INSR: variants seen among roughly 807,000 people sequenced by gnomAD.
INSR encodes the protein insulin receptor.
In INSR, 67 loss-of-function variants were observed where a neutral mutation model predicts 142.6. That is an observed-to-expected ratio of 0.47 (90% CI 0.39 to 0.58). INSR has a LOEUF of 0.58. INSR is among the 20% of genes least tolerant of loss of function. INSR has a pLI of 0.00. For missense variants in INSR, 1,248 were observed against 1,833.2 expected (o/e 0.68, Z 5.83); for synonymous variants, 756 against 743.1 (o/e 1.02, Z -0.28).
intron 1 of INSR, among the ~76,000 whole-genome samples, chr19:7,283,595 G>A (rs568477922): frequency 3.9e-5 from 6 of 152,166 alleles, no homozygotes; most frequent in East Asian, 3.9e-4. Flanking sequence ...ATGAGCCACC[G>A]TGCTCGGCTA....
At chr19:7,263,508 TC>T (rs1977129013) in intron 2 of INSR, among the ~76,000 whole-genome samples, 1 of 152,138 alleles carries the variant, frequency 6.6e-6, no homozygotes. Flanking sequence ...TCGCACCTTC[TC>T]CGGGTAACAA....
intron 2 of INSR, among the ~76,000 whole-genome samples, chr19:7,243,234 G>GTTTTTTTTTTTTT (rs1161289283): frequency 2.9e-5 from 2 of 68,178 alleles, no homozygotes; most frequent in Non-Finnish European, 5.1e-5. Flanking sequence ...CACTGTTTTG[G>GTTTTTTTTTTTTT]TTTTTTTTTT....
intron 2 of INSR, among the ~76,000 whole-genome samples, chr19:7,197,978 A>T (rs986636864): frequency 1.1e-4 from 15 of 138,148 alleles, no homozygotes; most frequent in Non-Finnish European, 1.8e-4. Context: ...GTGTGTCCCC[A>T]TGGTGGGAGT....
rs1972341326 is a variant in INSR at position 7,116,859 on chromosome 19, C to T, written c.*197G>A. The T allele has an allele frequency of 3.5e-6, 2 of 578,884 alleles. No homozygotes were observed. The highest frequency in any genetic ancestry group is 6.2e-6 in the Non-Finnish European group (2 of 322,980). The allele number at this position is 578,884 out of a possible 1,614,324, so 35.9% of individuals were successfully genotyped here. A position where few individuals can be genotyped will look rare whatever the true frequency, so the allele number is the denominator to read the frequency against. ...GGAAACCCCTTGCCCTCCAGGTTCA[C>T]AGTTAAATCCTCTGCAGGACTAGTT... On this transcript the variant is annotated 3_prime_UTR_variant, in exon 22 of 22. Transcript: ENST00000302850.
intron 2 of INSR, among the ~76,000 whole-genome samples, chr19:7,186,797 C>T (rs532069268): frequency 1.8e-4 from 27 of 151,876 alleles, no homozygotes; most frequent in Middle Eastern, 3.5e-3. Flanking sequence ...CTCTGCCTCC[C>T]GGGTTCAAGT....
At chr19:7,217,645 C>T (rs1422355309) in intron 2 of INSR, among the ~76,000 whole-genome samples, 6 of 152,300 alleles carry the variant, frequency 3.9e-5, no homozygotes, top group Middle Eastern at 3.4e-3. Flanking sequence ...CCGCAAGCTC[C>T]GCCTCCCAGG....
intron 2 of INSR, among the ~76,000 whole-genome samples, chr19:7,262,592 G>A (rs183095601): frequency 6.5e-4 from 99 of 152,290 alleles, no homozygotes; most frequent in South Asian, 8.3e-4. Context: ...ATGTGAAAGC[G>A]ACCAAGTGCC....
At chr19:7,266,713 G>C (rs1419585194) in intron 2 of INSR, among the ~76,000 whole-genome samples, 1 of 152,008 alleles carries the variant, frequency 6.6e-6, no homozygotes, top group Admixed American at 6.6e-5. Context: ...CCAATAACAG[G>C]AATGGTTAAG....
At chr19:7,222,460 C>T (rs566923807) in intron 2 of INSR, among the ~76,000 whole-genome samples, 1 of 152,082 alleles carries the variant, frequency 6.6e-6, no homozygotes, top group South Asian at 2.1e-4. Context: ...GTGGTGTGAC[C>T]GTAGCTCACT....
intron 9 of INSR, among the ~76,000 whole-genome samples, chr19:7,156,052 C>CT (rs147889782): frequency 0.013 from 886 of 67,380 alleles, 139 homozygotes; most frequent in Non-Finnish European, 0.015. Context: ...ATATGGAATT[C>CT]TTTTTTTTTT....
chr19:7,198,327 G>C (rs575672302), intron 2 of INSR, among the ~76,000 whole-genome samples: 10 of 152,042 alleles, frequency 6.6e-5, no homozygotes, highest in African/African-American at 2.4e-4. Context: ...GCCGCCGGGC[G>C]GTCCCGGCCA....
Position 7,119,865 on chromosome 19 carries a change from C to A in INSR, c.3660-282G>T, listed in dbSNP as rs958959761. On this transcript the variant is annotated intron_variant, in intron 20 of 21. Transcript: ENST00000302850. The surrounding 1 kb of genome is among the most constrained non-coding windows in gnomAD (Gnocchi z 5.2). ...CCAAACACACACACGCACACACATG[C>A]AAACACACACAAACACACATATGCA... is the stretch of plus-strand genomic sequence containing the variant. Among the ~76,000 whole-genome samples the A allele has an allele frequency of 6.6e-6, 1 of 151,502 alleles. No homozygotes were observed. The highest frequency in any genetic ancestry group is 2.4e-5 in the African/African-American group (1 of 41,204).
intron 2 of INSR, among the ~76,000 whole-genome samples, chr19:7,205,062 C>A (rs1975071084): frequency 1.3e-5 from 2 of 152,186 alleles, no homozygotes; most frequent in Admixed American, 1.3e-4. Flanking sequence ...CCAGCTTGGG[C>A]AACAAAAGTG....
At position 7,125,072 on chromosome 19, in the gene INSR, G is replaced by A. The variant is rs1972613339; in HGVS notation, c.3258+211C>T. Among the ~76,000 whole-genome samples the A allele has an allele frequency of 6.6e-6, 1 of 152,152 alleles. No individual in the cohort carries two copies. The highest frequency in any genetic ancestry group is 6.5e-5 in the Admixed American group (1 of 15,270). ...AAACATTCCAGAAAGTGATGAGACAGTGATAGAGTCTGGTTCCAGGCGAAG... is the reference window on the plus strand; with the variant it reads ...AAACATTCCAGAAAGTGATGAGACAATGATAGAGTCTGGTTCCAGGCGAAG... On this transcript the variant is annotated intron_variant, in intron 17 of 21. Coordinates refer to ENST00000302850, the MANE Select transcript of INSR (RefSeq NM_000208.4). The surrounding 1 kb of genome is among the most constrained non-coding windows in gnomAD (Gnocchi z 4.9).
At position 7,114,546 on chromosome 19, in the gene INSR, C is replaced by G. The variant is rs1599860393; in HGVS notation, c.*2510G>C. 1 of 152,540 alleles carries G rather than the reference C, an allele frequency of 6.6e-6. No individual in the cohort carries two copies. The allele number at this position is 152,540 out of a possible 1,614,324, so 9.4% of individuals were successfully genotyped here. A position where few individuals can be genotyped will look rare whatever the true frequency, so the allele number is the denominator to read the frequency against. ...TCCCTCCCTCAAAATTCTTACTGGTCCCTGGCATTCGAATCAGCTGATACA... is the reference window on the plus strand; with the variant it reads ...TCCCTCCCTCAAAATTCTTACTGGTGCCTGGCATTCGAATCAGCTGATACA... On this transcript the variant is annotated 3_prime_UTR_variant, in exon 22 of 22. Coordinates refer to ENST00000302850, the MANE Select transcript of INSR (RefSeq NM_000208.4).
chr19:7,197,516 G>GTGTGTGTGTGTGTGT (rs1568480264), intron 2 of INSR, among the ~76,000 whole-genome samples: 726 of 70,916 alleles, frequency 0.01, 138 homozygotes, highest in Admixed American at 0.013. Context: ...TGGGAGTGGG[G>GTGTGTGTGTGTGTGT]GTGTGTGTGT....
At chr19:7,283,192 C>T (rs967764138) in intron 1 of INSR, among the ~76,000 whole-genome samples, 3 of 151,810 alleles carry the variant, frequency 2.0e-5, no homozygotes, top group African/African-American at 7.3e-5. Flanking sequence ...GACCCTTTCT[C>T]AAAAAAATGT....
chr19:7,151,062 TTC>T (rs67375676), intron 10 of INSR, among the ~76,000 whole-genome samples: 95,978 of 145,286 alleles, frequency 0.66, 35,123 homozygotes, highest in Non-Finnish European at 0.83. Flanking sequence ...TCTCTTTCTT[TTC>T]TTTCTTTTCC....
chr19:7,288,514 C>CTG (rs1968403319), intron 1 of INSR, among the ~76,000 whole-genome samples: 1 of 152,002 alleles, frequency 6.6e-6, no homozygotes, highest in Admixed American at 6.6e-5. Context: ...TGGCACCTGC[C>CTG]TGTGATTCCA....
Sources: allele counts gnomAD v4.1 joint callset (sites outside exome capture counted in the v4.1 genomes callset), GRCh38; gene constraint gnomAD v4.1.1; non-coding constraint Gnocchi (gnomAD v3.1); transcripts MANE v1.5; gene names NCBI Gene and HGNC (gene_info 2026-07-23, HGNC 2026-07-21).